Variants in CFAP161 observed in about 807,000 individuals in gnomAD.
The protein encoded by CFAP161 is cilia- and flagella-associated protein 161.
In CFAP161, 25 loss-of-function variants were observed where a neutral mutation model predicts 29.0. The observed-to-expected ratio is 0.86, with a 90% confidence interval of 0.63 to 1.20. The LOEUF (loss-of-function observed/expected upper bound fraction) is 1.20. Among genes scored for constraint, CFAP161 ranks in the 50% most tolerant of loss-of-function variants. CFAP161 has a pLI of 0.00. For synonymous variants in CFAP161, 116 were observed against 137.4 expected (o/e 0.84, Z 1.09); for missense variants, 367 against 371.9 (o/e 0.99, Z 0.11).
intron 1 of CFAP161, 48 bp from the exon 2 acceptor site, chr15:81,135,222 A>C: frequency 7.7e-7 from 1 of 1,298,120 alleles, no homozygotes; most frequent in Non-Finnish European, 1.1e-6. Context: ...AGTTATTAAT[A>C]CTAACATCTA....
At chr15:81,118,616 G>C (rs976807514) in intron 1 of CFAP161, among the ~76,000 whole-genome samples, 4 of 152,230 alleles carry the variant, frequency 2.6e-5, no homozygotes, top group African/African-American at 9.6e-5. Context: ...AAACCCGGGA[G>C]ACCAAAGGGG....
intron 1 of CFAP161, among the ~76,000 whole-genome samples, chr15:81,122,367 C>T (rs1894584739): frequency 6.6e-6 from 1 of 152,170 alleles, no homozygotes; most frequent in South Asian, 2.1e-4. Flanking sequence ...ACAACCTCAC[C>T]AGCATCTGCT....
At chr15:81,117,196 G>A (rs1894509184) in intron 1 of CFAP161, among the ~76,000 whole-genome samples, 1 of 148,652 alleles carries the variant, frequency 6.7e-6, no homozygotes, top group African/African-American at 2.5e-5. Context: ...GTTTCCAATT[G>A]TATCATACTT....
upstream of CFAP161, among the ~76,000 whole-genome samples, chr15:81,133,213 ATATATATATATGTAT>A (rs1382483056): frequency 1.4e-4 from 5 of 36,144 alleles, 1 homozygote; most frequent in Non-Finnish European, 2.5e-4. Flanking sequence ...ATATATATAT[ATATATATATATGTAT>A]TTTTTTTTAA....
chr15:81,103,776 G>T (rs1176221607), intron 1 of CFAP161, among the ~76,000 whole-genome samples: 2 of 152,164 alleles, frequency 1.3e-5, no homozygotes, highest in Non-Finnish European at 2.9e-5. Context: ...CTGGAGGTCT[G>T]AACTTGCAAC....
chr15:81,108,398 G>C (rs1447760778), intron 1 of CFAP161, among the ~76,000 whole-genome samples: 2 of 151,794 alleles, frequency 1.3e-5, no homozygotes, highest in Non-Finnish European at 2.9e-5. Flanking sequence ...AATCAGATGA[G>C]TGTTCCCACA....
At chr15:81,122,594 C>T (rs1182971007) in intron 1 of CFAP161, among the ~76,000 whole-genome samples, 4 of 151,360 alleles carry the variant, frequency 2.6e-5, no homozygotes, top group African/African-American at 9.7e-5. Context: ...CAGGTTCAAG[C>T]GATTCACCTG....
At chr15:81,106,352 C>T (rs1021437432) in intron 1 of CFAP161, among the ~76,000 whole-genome samples, 1 of 152,194 alleles carries the variant, frequency 6.6e-6, no homozygotes, top group African/African-American at 2.4e-5. Context: ...CTTCCGACAT[C>T]AGACTGACGG....
chr15:81,142,455 A>C (rs1894927326), intron 4 of CFAP161, among the ~76,000 whole-genome samples: 1 of 151,264 alleles, frequency 6.6e-6, no homozygotes, highest in Non-Finnish European at 1.5e-5. Context: ...ATACATCCTC[A>C]CCCTCTCTGT....
At chr15:81,123,541 G>T (rs981487352) in intron 1 of CFAP161, among the ~76,000 whole-genome samples, 4 of 152,140 alleles carry the variant, frequency 2.6e-5, no homozygotes, top group African/African-American at 9.7e-5. Flanking sequence ...GGTTTCATAT[G>T]AATTTTAAAA....
Position 81,134,334 on chromosome 15 carries a change from C to T in CFAP161, c.5C>T (p.Ala2Val). 1 of 1,587,314 alleles carries T rather than the reference C, an allele frequency of 6.3e-7. No homozygotes were observed. Among genetic ancestry groups the T allele is most frequent in the Non-Finnish European group, 8.6e-7 (1 of 1,167,714 alleles). ...CTTGCTGAACAGCAGGGAGCGATGG[C>T]GCAGAACGTGTATGGTCCGGGAGTC... M[A>V]QNVYGPGVRI... is the part of the protein sequence containing the mutation. Residue 2 changes from alanine (A) to valine (V), a missense_variant, in exon 1 of 7, where the codon GCG becomes GTG. By Grantham distance (64) the Ala-to-Val change is moderately conservative (BLOSUM62 0). Transcript: ENST00000286732.
chr15:81,143,850 T>C (rs1399386967), intron 5 of CFAP161, 30 bp downstream of exon 5: 3 of 1,597,222 alleles, frequency 1.9e-6, no homozygotes, highest in African/African-American at 2.7e-5. Flanking sequence ...GACATGGGTG[T>C]CTAGGCTATG....
chr15:81,148,413 C>A lies in CFAP161; in HGVS notation c.786C>A (p.Asn262Lys), dbSNP rs1329700972. 1 of 1,614,192 alleles carries A rather than the reference C, an allele frequency of 6.2e-7. No individual in the cohort carries two copies. The highest frequency in any genetic ancestry group is 8.5e-7 in the Non-Finnish European group (1 of 1,180,034). ...LDSHRVEKPR[N>K]HWMLVTGNPR... is the part of the protein sequence containing the mutation. Reference sequence around the variant, plus strand: ...CACATAGAGTTGAGAAACCAAGGAACCACTGGATGTTGGTTACTGGGAATC... The same window carrying A: ...CACATAGAGTTGAGAAACCAAGGAAACACTGGATGTTGGTTACTGGGAATC... The change falls in exon 7 of 7, where the codon AAC becomes AAA. Residue 262 changes from asparagine (N) to lysine (K), a missense_variant. Transcript: ENST00000286732.
At chr15:81,126,693 G>A (rs1326447576) in intron 1 of CFAP161, among the ~76,000 whole-genome samples, 1 of 152,042 alleles carries the variant, frequency 6.6e-6, no homozygotes, top group Non-Finnish European at 1.5e-5. Context: ...TTTCACTTTA[G>A]ATTATTAATT....
At chr15:81,133,221 A>ATT (rs1253988690), upstream of CFAP161, among the ~76,000 whole-genome samples, 4 of 32,490 alleles carry the variant, frequency 1.2e-4, 1 homozygote, top group African/African-American at 3.0e-4. Flanking sequence ...ATATATATAT[A>ATT]TATGTATTTT....
chr15:81,115,825 G>A (rs140250290), intron 1 of CFAP161, among the ~76,000 whole-genome samples: 196 of 151,104 alleles, frequency 1.3e-3, no homozygotes, highest in African/African-American at 4.5e-3. Flanking sequence ...GACTACAGCA[G>A]GTACCACTGT....
chr15:81,110,382 T>C (rs72742239), intron 1 of CFAP161, among the ~76,000 whole-genome samples: 6 of 152,284 alleles, frequency 3.9e-5, no homozygotes, highest in Non-Finnish European at 8.8e-5. Context: ...ATAAATGACT[T>C]GAAGCCCCCC....
chr15:81,109,048 A>G (rs772999870), intron 1 of CFAP161, among the ~76,000 whole-genome samples: 1 of 152,184 alleles, frequency 6.6e-6, no homozygotes, highest in Non-Finnish European at 1.5e-5. Context: ...GAGCAGGAGC[A>G]TTGTCACGGT....
chr15:81,100,101 C>T (rs1351008336), intron 1 of CFAP161, among the ~76,000 whole-genome samples: 3 of 151,744 alleles, frequency 2.0e-5, no homozygotes, highest in African/African-American at 7.2e-5. Context: ...CTTAAAACTT[C>T]TTCCACCTTC....
Sources: gnomAD v4.1 joint callset for allele counts (sites outside exome capture counted in the v4.1 genomes callset) on GRCh38, gnomAD v4.1.1 for gene constraint, MANE v1.5 for transcripts, NCBI Gene and HGNC (gene_info 2026-07-23, HGNC 2026-07-21) for gene names.